MED12L: variants seen among roughly 807,000 people sequenced by gnomAD.
The protein encoded by MED12L is mediator of RNA polymerase II transcription subunit 12-like protein.
Under a neutral mutation model 281.3 loss-of-function variants are expected in MED12L, and 60 were observed. The observed-to-expected ratio is 0.21, with a 90% CI of 0.17 to 0.26. MED12L has a LOEUF of 0.26. Ranked by LOEUF, MED12L falls within the 10% of genes least tolerant of loss-of-function variation. The pLI, the probability that MED12L is intolerant of heterozygous loss-of-function variation, is 1.00. For synonymous variants in MED12L, 974 were observed against 987.2 expected (o/e 0.99, Z 0.25); for missense variants, 2,146 against 2,680.9 (o/e 0.80, Z 4.41).
intron 16 of MED12L, among the ~76,000 whole-genome samples, chr3:151,287,693 G>A (rs62283022): frequency 1.2e-4 from 18 of 152,072 alleles, no homozygotes; most frequent in East Asian, 1.2e-3. Context: ...TAAGGTTCTT[G>A]TGGCGATTTA....
chr3:151,395,509 C>A (rs1258505757), intron 39 of MED12L, among the ~76,000 whole-genome samples: 1 of 152,162 alleles, frequency 6.6e-6, no homozygotes, highest in Non-Finnish European at 1.5e-5. Context: ...AGTATAAACT[C>A]ATGAAACACC....
chr3:151,182,388 T>C (rs1722810662), intron 11 of MED12L, among the ~76,000 whole-genome samples: 1 of 152,150 alleles, frequency 6.6e-6, no homozygotes, highest in Admixed American at 6.5e-5. Context: ...TGTTTACTAG[T>C]GAGAGAATGC....
intron 16 of MED12L, chr3:151,328,670 A>ATGGTCT (rs1560034304): frequency 6.2e-7 from 1 of 1,613,788 alleles, no homozygotes; most frequent in Non-Finnish European, 8.5e-7. Context: ...CACGATGCCC[A>ATGGTCT]CATACATGGT....
intron 16 of MED12L, among the ~76,000 whole-genome samples, chr3:151,320,389 G>A (rs1290794616): frequency 6.6e-6 from 1 of 152,178 alleles, no homozygotes; most frequent in East Asian, 1.9e-4. Context: ...GCTGGAACAT[G>A]CAACAAGGAT....
At chr3:151,339,948 A>C (rs1351708720) in intron 16 of MED12L, among the ~76,000 whole-genome samples, 1 of 152,160 alleles carries the variant, frequency 6.6e-6, no homozygotes, top group Non-Finnish European at 1.5e-5. Context: ...ACAAATAACA[A>C]ATTTTAAAAA....
At chr3:151,383,067 ATACT>A (rs1358151194) in intron 33 of MED12L, among the ~76,000 whole-genome samples, 2 of 151,956 alleles carry the variant, frequency 1.3e-5, no homozygotes, top group East Asian at 3.9e-4. Flanking sequence ...AGCTTCTACT[ATACT>A]TACTTAAAAC....
At chr3:151,390,671 G>A (rs1248632083) in intron 38 of MED12L, among the ~76,000 whole-genome samples, 5 of 152,162 alleles carry the variant, frequency 3.3e-5, no homozygotes. Flanking sequence ...AATGAAAAAT[G>A]AATTCAATTT....
intron 35 of MED12L, 161 bp from the exon 36 acceptor site, chr3:151,384,869 C>T (rs889638970): frequency 5.8e-5 from 34 of 584,656 alleles, no homozygotes; most frequent in Non-Finnish European, 9.1e-5. Context: ...ACTCATTGCT[C>T]TATTTGGAAC....
chr3:151,232,112 CCTT>C (rs1381323113), intron 16 of MED12L, among the ~76,000 whole-genome samples: 1 of 152,126 alleles, frequency 6.6e-6, no homozygotes, highest in Non-Finnish European at 1.5e-5. Context: ...TCTTACCTTT[CCTT>C]CTTACTTTCC....
intron 16 of MED12L, among the ~76,000 whole-genome samples, chr3:151,259,137 C>T (rs538899846): frequency 7.2e-5 from 11 of 152,288 alleles, no homozygotes; most frequent in Middle Eastern, 3.4e-3. Context: ...GAAAGGTTCA[C>T]CTAAGGTGGT....
intron 16 of MED12L, among the ~76,000 whole-genome samples, chr3:151,245,241 AAG>A (rs1241747395): frequency 6.6e-6 from 1 of 152,206 alleles, no homozygotes; most frequent in Non-Finnish European, 1.5e-5. Flanking sequence ...TCAATAGAAA[AAG>A]AGGGAATCCT....
At position 151,368,338 on chromosome 3, in the gene MED12L, T is replaced by C. The variant is rs1041055731; in HGVS notation, c.3550+87T>C. 5.9e-6 allele frequency: 7 copies of C among 1,179,942 alleles called. No individual in the cohort carries two copies. The African/African-American group carries it at 6.1e-5, about 10-fold the overall frequency. The allele number at this position is 1,179,942 out of a possible 1,614,324, so 73.1% of individuals were successfully genotyped here. A position where few individuals can be genotyped will look rare whatever the true frequency, so the allele number is the denominator to read the frequency against. On this transcript the variant is annotated intron_variant, in intron 25 of 44. Transcript: ENST00000687756. ...CCAAATAGGCTGTCCCTTTCTGTAA[T>C]TGCCTTCTTAATTTTTTGGGCATGC...
At chr3:151,396,490 A>T (rs935780507) in intron 39 of MED12L, among the ~76,000 whole-genome samples, 1 of 152,136 alleles carries the variant, frequency 6.6e-6, no homozygotes, top group South Asian at 2.1e-4. Context: ...GGCATGGTAG[A>T]GCATGCCACA....
At chr3:151,369,788 G>A (rs879914175) in intron 26 of MED12L, among the ~76,000 whole-genome samples, 1 of 152,066 alleles carries the variant, frequency 6.6e-6, no homozygotes, top group Non-Finnish European at 1.5e-5. Flanking sequence ...TATTTTAGTT[G>A]CATAATGTCT....
intron 38 of MED12L, 105 bp downstream of exon 38, chr3:151,390,240 A>G (rs1015256000): frequency 9.4e-7 from 1 of 1,067,690 alleles, no homozygotes; most frequent in Middle Eastern, 2.1e-4. Flanking sequence ...TCAACCACTG[A>G]GTGCTCAGTT....
At chr3:151,174,664 C>T (rs1721822718) in intron 11 of MED12L, among the ~76,000 whole-genome samples, 1 of 152,130 alleles carries the variant, frequency 6.6e-6, no homozygotes, top group African/African-American at 2.4e-5. Flanking sequence ...AATCAGCCAC[C>T]TCAAATATCT....
intron 2 of MED12L, among the ~76,000 whole-genome samples, chr3:151,098,632 A>C (rs1196439891): frequency 6.6e-6 from 1 of 152,148 alleles, no homozygotes; most frequent in East Asian, 1.9e-4. Flanking sequence ...TTATAAGGAC[A>C]CTTGTCATTG....
intron 24 of MED12L, 106 bp downstream of exon 24, chr3:151,367,872 G>A (rs764630355): frequency 1.2e-5 from 15 of 1,287,636 alleles, no homozygotes; most frequent in Non-Finnish European, 1.4e-5. Context: ...TATGTATATT[G>A]GGAAGTGGTG....
intron 16 of MED12L, among the ~76,000 whole-genome samples, chr3:151,236,680 G>T (rs761079512): frequency 6.6e-6 from 1 of 152,226 alleles, no homozygotes; most frequent in East Asian, 1.9e-4. Flanking sequence ...CTAAAAGTGT[G>T]TGTGAATGAA....
Sources: allele counts gnomAD v4.1 joint callset (sites outside exome capture counted in the v4.1 genomes callset), GRCh38; gene constraint gnomAD v4.1.1; transcripts MANE v1.5; gene names NCBI Gene and HGNC (gene_info 2026-07-23, HGNC 2026-07-21).